HHLA2: variants seen among roughly 807,000 people sequenced by gnomAD.
HHLA2 encodes the protein HHLA2 member of B7 family.
HHLA2 carries 48 observed loss-of-function variants against 45.9 expected under a neutral mutation model. That is an observed-to-expected ratio of 1.05 (90% CI 0.83 to 1.33). The LOEUF (loss-of-function observed/expected upper bound fraction) is 1.33, where lower values mean the gene tolerates loss of function less well. HHLA2 is among the 40% of genes most tolerant of loss of function. HHLA2 has a pLI of 0.00. For missense variants in HHLA2, 462 were observed against 494.3 expected, an observed-to-expected ratio of 0.93 and a Z score of 0.62; for synonymous variants, 161 against 173.9, an observed-to-expected ratio of 0.93 and a Z score of 0.59.
chr3:108,375,716 C>T (rs747444033), intron 8 of HHLA2, 34 bp from the exon 8 acceptor site: 3 of 1,603,496 alleles, frequency 1.9e-6, no homozygotes, highest in Non-Finnish European at 2.6e-6. Context: ...AGAGTAAATA[C>T]CTAATTTCAC....
intron 3 of HHLA2, among the ~76,000 whole-genome samples, chr3:108,342,832 C>T (rs1333027473): frequency 3.3e-5 from 5 of 152,192 alleles, no homozygotes; most frequent in Non-Finnish European, 7.3e-5. Flanking sequence ...TCTCTTTGTA[C>T]CTCAAACCTA....
intron 3 of HHLA2, among the ~76,000 whole-genome samples, chr3:108,346,997 T>C (rs1297531528): frequency 6.6e-6 from 1 of 152,174 alleles, no homozygotes; most frequent in Non-Finnish European, 1.5e-5. Context: ...TCTGCCTTTC[T>C]CCCTCACATC....
chr3:108,299,513 A>T (rs16854405), intron 1 of HHLA2, among the ~76,000 whole-genome samples: 25,374 of 151,984 alleles, frequency 0.17, 3,447 homozygotes, highest in East Asian at 0.75. Flanking sequence ...GAATTCCGTC[A>T]GAGTAGTATG....
rs570438803 is a variant in HHLA2 at position 108,336,018 on chromosome 3, A to G, written c.-27+7671A>G. On this transcript the variant is annotated intron_variant, in intron 3 of 10. Coordinates refer to ENST00000619531, the Ensembl canonical transcript of HHLA2. ...GAAGGGAACAGCATTCTCTTTTCCT[A>G]CTTCCTCCCTGTTGTGCCCCTGCCA... Among the ~76,000 whole-genome samples the G allele has an allele frequency of 2.0e-5, 3 of 151,960 alleles. No individual in the cohort carries two copies. The East Asian group carries it at 5.8e-4, about 29-fold the overall frequency.
At chr3:108,367,544 A>G (rs2082084314) in intron 8 of HHLA2, among the ~76,000 whole-genome samples, 1 of 152,020 alleles carries the variant, frequency 6.6e-6, no homozygotes, top group South Asian at 2.1e-4. Flanking sequence ...ACACAGCATG[A>G]GAACTCGTGA....
At chr3:108,299,767 C>T (rs944988765) in intron 1 of HHLA2, among the ~76,000 whole-genome samples, 1 of 152,108 alleles carries the variant, frequency 6.6e-6, no homozygotes, top group African/African-American at 2.4e-5. Context: ...TCTAACTCAA[C>T]CTTATATGCC....
At chr3:108,373,764 C>T (rs1259998830) in intron 8 of HHLA2, among the ~76,000 whole-genome samples, 2 of 151,314 alleles carry the variant, frequency 1.3e-5, no homozygotes, top group African/African-American at 4.9e-5. Flanking sequence ...AGGAATCCAA[C>T]TTACAAGGGA....
chr3:108,369,379 G>A (rs2107503569), intron 8 of HHLA2, among the ~76,000 whole-genome samples: 1 of 152,310 alleles, frequency 6.6e-6, no homozygotes, highest in Non-Finnish European at 1.5e-5. Flanking sequence ...ACAGCTCCCA[G>A]CGTGAGCGAC....
chr3:108,353,851 C>A, intron 5 of HHLA2, 71 bp downstream of exon 4: 2 of 1,182,908 alleles, frequency 1.7e-6, no homozygotes, highest in Admixed American at 2.6e-5. Context: ...CGTCTTTTTC[C>A]TAATATGCCA....
At chr3:108,372,621 T>C (rs1419571829) in intron 8 of HHLA2, among the ~76,000 whole-genome samples, 8 of 151,538 alleles carry the variant, frequency 5.3e-5, no homozygotes, top group Non-Finnish European at 8.8e-5. Context: ...ATCAAATAGA[T>C]GCAATAAAAA....
At chr3:108,357,763 C>T in intron 6 of HHLA2, 81 bp from the exon 6 acceptor site, 1 of 1,173,682 alleles carries the variant, frequency 8.5e-7, no homozygotes, top group Non-Finnish European at 1.2e-6. Flanking sequence ...TGCCTTTGTT[C>T]TCTGCTTTCT....
At chr3:108,350,716 A>C (rs2107451023) in intron 3 of HHLA2, among the ~76,000 whole-genome samples, 1 of 152,186 alleles carries the variant, frequency 6.6e-6, no homozygotes, top group East Asian at 1.9e-4. Context: ...ACAGAGTCTC[A>C]CTGTCTTGCC....
intron 2 of HHLA2, among the ~76,000 whole-genome samples, chr3:108,320,596 AAT>A (rs2081182284): frequency 6.6e-6 from 1 of 152,154 alleles, no homozygotes; most frequent in Non-Finnish European, 1.5e-5. Context: ...TTCATAGTTA[AAT>A]GATAGAGTGT....
At chr3:108,370,546 T>A (rs1395730114) in intron 8 of HHLA2, among the ~76,000 whole-genome samples, 8 of 152,154 alleles carry the variant, frequency 5.3e-5, no homozygotes, top group Non-Finnish European at 8.8e-5. Flanking sequence ...AGGAGGAAGT[T>A]CGAACCCATG....
At chr3:108,316,632 C>T (rs1048971450) in intron 2 of HHLA2, among the ~76,000 whole-genome samples, 1 of 152,164 alleles carries the variant, frequency 6.6e-6, no homozygotes, top group South Asian at 2.1e-4. Flanking sequence ...GAGACAGTTA[C>T]AGCTAGGTCA....
intron 1 of HHLA2, among the ~76,000 whole-genome samples, chr3:108,302,016 G>C (rs149699673): frequency 9.2e-5 from 14 of 152,236 alleles, no homozygotes; most frequent in African/African-American, 3.1e-4. Context: ...GTTGAGATAT[G>C]CTATAGTTTA....
At chr3:108,327,593 A>G (rs1262853430) in intron 2 of HHLA2, among the ~76,000 whole-genome samples, 1 of 152,064 alleles carries the variant, frequency 6.6e-6, no homozygotes, top group Non-Finnish European at 1.5e-5. Context: ...AAATCAATCT[A>G]TTGTTGCTAA....
At chr3:108,375,961 T>C (rs968175714) in intron 9 of HHLA2, among the ~76,000 whole-genome samples, 161 bp downstream of exon 8, 1 of 152,230 alleles carries the variant, frequency 6.6e-6, no homozygotes, top group African/African-American at 2.4e-5. Context: ...AGCTGTTATA[T>C]GAAAAGCCAC....
intron 8 of HHLA2, among the ~76,000 whole-genome samples, chr3:108,372,335 A>T (rs1454686322): frequency 6.6e-6 from 1 of 151,176 alleles, no homozygotes; most frequent in African/African-American, 2.4e-5. Flanking sequence ...CAGTGTGTAG[A>T]GGGAAATTTA....
Sources: gnomAD v4.1 joint callset for allele counts (sites outside exome capture counted in the v4.1 genomes callset) on GRCh38, gnomAD v4.1.1 for gene constraint, MANE v1.5 for transcripts, NCBI Gene and HGNC (gene_info 2026-07-23, HGNC 2026-07-21) for gene names.